Variants in ACOXL observed in about 807,000 individuals in gnomAD.
ACOXL encodes acyl-coenzyme A oxidase-like protein.
ACOXL carries 70 observed loss-of-function variants against 71.9 expected under a neutral mutation model. The ratio of observed to expected loss-of-function variants is 0.97; its 90% CI spans 0.80 to 1.19. The LOEUF (loss-of-function observed/expected upper bound fraction) is 1.19, where lower values mean the gene tolerates loss of function less well. Ranked by LOEUF, ACOXL falls within the 50% of genes most tolerant of loss-of-function variation. ACOXL has a pLI of 0.00. For synonymous variants in ACOXL, 253 were observed against 281.6 expected (o/e 0.90, Z 1.02); for missense variants, 703 against 736.3 (o/e 0.95, Z 0.52).
chr2:110,799,145 G>C, intron 7 of ACOXL, 45 bp downstream of exon 7: 2 of 1,562,850 alleles, frequency 1.3e-6, no homozygotes. Context: ...CTTCCTACCT[G>C]CTCCCCACCT....
intron 16 of ACOXL, among the ~76,000 whole-genome samples, chr2:111,070,352 C>T (rs747727516): frequency 6.6e-6 from 1 of 152,102 alleles, no homozygotes; most frequent in African/African-American, 2.4e-5. Flanking sequence ...GTGTCTTTTA[C>T]GGGAACATGG....
At chr2:110,898,962 A>G (rs1279900862) in intron 10 of ACOXL, among the ~76,000 whole-genome samples, 2 of 152,232 alleles carry the variant, frequency 1.3e-5, no homozygotes, top group African/African-American at 4.8e-5. Context: ...TAAGGGTATC[A>G]GAATTAAAAA....
At chr2:110,947,994 T>A (rs1190863048) in intron 12 of ACOXL, among the ~76,000 whole-genome samples, 1 of 152,188 alleles carries the variant, frequency 6.6e-6, no homozygotes, top group Non-Finnish European at 1.5e-5. Context: ...TCAGGGCCAG[T>A]CTCCACAGCA....
At chr2:111,064,682 G>C (rs559071978) in intron 16 of ACOXL, among the ~76,000 whole-genome samples, 1 of 152,284 alleles carries the variant, frequency 6.6e-6, no homozygotes, top group Non-Finnish European at 1.5e-5. Context: ...CATGGATGCA[G>C]AATCCGTGGA....
chr2:110,936,923 C>T (rs11900868), intron 12 of ACOXL, among the ~76,000 whole-genome samples: 39,488 of 151,310 alleles, frequency 0.26, 5,953 homozygotes, highest in Non-Finnish European at 0.33. Flanking sequence ...TCTTGGCTCA[C>T]CACAACCTCC....
At chr2:111,103,167 C>T (rs2069294211) in intron 17 of ACOXL, among the ~76,000 whole-genome samples, 1 of 151,998 alleles carries the variant, frequency 6.6e-6, no homozygotes, top group Non-Finnish European at 1.5e-5. Flanking sequence ...TGGTGGCATG[C>T]GCCTGTAATC....
At chr2:110,748,306 G>C (rs1678490248) in intron 1 of ACOXL, among the ~76,000 whole-genome samples, 1 of 152,182 alleles carries the variant, frequency 6.6e-6, no homozygotes. Context: ...AGGCTGGAGA[G>C]GGAGTGTCCC....
intron 10 of ACOXL, among the ~76,000 whole-genome samples, chr2:110,905,915 G>T (rs1234678570): frequency 6.6e-6 from 1 of 152,164 alleles, no homozygotes; most frequent in Non-Finnish European, 1.5e-5. Context: ...GCACTGCGAG[G>T]CCTGCCACAT....
intron 12 of ACOXL, among the ~76,000 whole-genome samples, chr2:110,971,401 G>A (rs144405188): frequency 6.6e-6 from 1 of 152,312 alleles, no homozygotes; most frequent in East Asian, 1.9e-4. Flanking sequence ...GTTACCGCTG[G>A]GAGAAAATGG....
Position 110,841,380 on chromosome 2 carries a change from A to C in ACOXL, c.763A>C (p.Thr255Pro), listed in dbSNP as rs1465496174. Residue 255 changes from threonine to proline, a missense_variant, in exon 10 of 18, where the codon ACG (threonine) becomes CCG (proline). By Grantham distance (38) the Thr-to-Pro change is conservative. Transcript: ENST00000439055. ...CTCTTTTTAATTACAGCTTGGGTTG[A>C]CGATAGCCATTCGCTATAGCCACAG... Reference protein sequence around the residue: ...QAMGAMKLGLTIAIRYSHSRR... With the variant: ...QAMGAMKLGLPIAIRYSHSRR... 2.5e-6 allele frequency: 4 copies of C among 1,610,010 alleles called. No individual in the cohort carries two copies. Among genetic ancestry groups the C allele is most frequent in the African/African-American group, 1.3e-5 (1 of 74,862 alleles).
chr2:111,095,456 A>G (rs763867235), intron 17 of ACOXL, among the ~76,000 whole-genome samples: 33 of 131,598 alleles, frequency 2.5e-4, no homozygotes, highest in African/African-American at 9.4e-4. Flanking sequence ...CCGTGTCATG[A>G]TCTCAGCTCA....
intron 10 of ACOXL, among the ~76,000 whole-genome samples, chr2:110,870,096 A>T (rs568460177): frequency 1.3e-5 from 2 of 152,264 alleles, no homozygotes; most frequent in Admixed American, 6.5e-5. Flanking sequence ...GCTGGGGGAA[A>T]ATTAGGGCTG....
intron 10 of ACOXL, among the ~76,000 whole-genome samples, chr2:110,864,824 T>C (rs1694364134): frequency 6.6e-6 from 1 of 152,210 alleles, no homozygotes; most frequent in East Asian, 1.9e-4. Flanking sequence ...CTGAGGTATA[T>C]GGGCTGCTGG....
intron 2 of ACOXL, among the ~76,000 whole-genome samples, chr2:110,781,928 CAAT>C (rs1360034240): frequency 6.6e-6 from 1 of 152,082 alleles, no homozygotes; most frequent in African/African-American, 2.4e-5. Flanking sequence ...TATTACATCA[CAAT>C]GATCTGTTAC....
At chr2:110,863,177 A>G (rs1285233909) in intron 10 of ACOXL, among the ~76,000 whole-genome samples, 2 of 152,238 alleles carry the variant, frequency 1.3e-5, no homozygotes, top group African/African-American at 2.4e-5. Flanking sequence ...ATAATATACA[A>G]AATTGGAAAC....
At chr2:110,958,447 A>G (rs1339922940) in intron 12 of ACOXL, among the ~76,000 whole-genome samples, 1 of 152,146 alleles carries the variant, frequency 6.6e-6, no homozygotes, top group Non-Finnish European at 1.5e-5. Flanking sequence ...AATCAGCACC[A>G]CCATAGCTGG....
At chr2:110,837,356 C>T (rs565168922) in intron 9 of ACOXL, among the ~76,000 whole-genome samples, 18 of 152,238 alleles carry the variant, frequency 1.2e-4, no homozygotes, top group South Asian at 8.3e-4. Flanking sequence ...TGGGAAGTGG[C>T]GCTTAGTAGC....
chr2:110,737,355 A>G lies in ACOXL; in HGVS notation c.-23+4581A>G, dbSNP rs547139933. 5.9e-5 allele frequency among the ~76,000 whole-genome samples: 9 copies of G among 152,326 alleles called. No homozygotes were observed. In the South Asian group the frequency reaches 1.9e-3, roughly 32 times the overall value. On this transcript the variant is annotated intron_variant, in intron 1 of 17. Transcript: ENST00000439055. Reference sequence around the variant, plus strand: ...CTTGGTTATCTACTGGCTTACTCTTATAGAAAACGAATGTTTCTCACTACA... The same window carrying G: ...CTTGGTTATCTACTGGCTTACTCTTGTAGAAAACGAATGTTTCTCACTACA...
chr2:110,844,910 G>A (rs1236134619), intron 10 of ACOXL, among the ~76,000 whole-genome samples: 1 of 152,060 alleles, frequency 6.6e-6, no homozygotes, highest in East Asian at 1.9e-4. Flanking sequence ...TCATCCAGCA[G>A]GAGGAAGATG....
Sources: allele counts gnomAD v4.1 joint callset (sites outside exome capture counted in the v4.1 genomes callset), GRCh38; gene constraint gnomAD v4.1.1; transcripts MANE v1.5; gene names NCBI Gene and HGNC (gene_info 2026-07-23, HGNC 2026-07-21).